WRN: variants seen among roughly 807,000 people sequenced by gnomAD.
WRN encodes the protein bifunctional 3'-5' exonuclease/ATP-dependent helicase WRN.
In WRN, 149 loss-of-function variants were observed where a neutral mutation model predicts 180.7. The observed-to-expected ratio is 0.82, with a 90% CI of 0.72 to 0.94. WRN has a LOEUF of 0.94. Ranked by LOEUF, WRN falls within the 40% of genes least tolerant of loss-of-function variation. WRN has a pLI of 0.00. For missense variants in WRN, 1,661 were observed against 1,700.1 expected (o/e 0.98, Z 0.40); for synonymous variants, 548 against 568.9 (o/e 0.96, Z 0.52).
intron 18 of WRN, among the ~76,000 whole-genome samples, chr8:31,109,724 C>T (rs1386151351): frequency 6.6e-6 from 1 of 152,114 alleles, no homozygotes; most frequent in Admixed American, 6.5e-5. Flanking sequence ...GAGATTGGCA[C>T]TGTTATTGTA....
At chr8:31,142,530 T>C in intron 26 of WRN, 96 bp from the exon 27 acceptor site, 1 of 953,112 alleles carries the variant, frequency 1.0e-6, no homozygotes, top group Non-Finnish European at 1.5e-6. Context: ...AAAAGGGTAA[T>C]ATCTTATTCA....
At position 31,087,799 on chromosome 8, in the gene WRN, C is replaced by T. The variant is rs1209314077; in HGVS notation, c.1455C>T (p.Gly485=). Residue 485 remains glycine (G), a synonymous_variant, in exon 12 of 35, where the codon GGC becomes GGT. Transcript: ENST00000298139. ...AGTCTTTAGAAAACCTCAATAGTGG[C>T]ACGGTAGAACCAACTCATTCTAAAT... is the stretch of plus-strand genomic sequence containing the variant. The part of the protein sequence containing the change: ...MLKSLENLNS[G]TVEPTHSKCL... 4 of 1,613,516 alleles carry T rather than the reference C, an allele frequency of 2.5e-6. No individual in the cohort carries two copies. The Admixed American group carries it at 6.7e-5, about 27-fold the overall frequency.
At position 31,147,427 on chromosome 8, in the gene WRN, C is replaced by A. The variant is rs768430448; in HGVS notation, c.3523C>A (p.Pro1175Thr). Residue 1175 changes from proline (P) to threonine (T), a missense_variant, in exon 30 of 35, where the codon CCA becomes ACA. Around this residue, in one of 3 missense-constraint regions of WRN, gnomAD observed 1,141 missense variants for 1,149.4 expected, o/e 0.99. Coordinates refer to ENST00000298139, the MANE Select transcript of WRN (RefSeq NM_000553.6). ...QKHANKMDVPPAILATNKILV... is the reference protein window; with the variant it reads ...QKHANKMDVPTAILATNKILV... ...ACATGCCAATAAAATGGATGTTCCC[C>A]CAGCTATTCTGGCAACAAACAAGAT... The A allele has an allele frequency of 1.2e-6, 2 of 1,614,020 alleles. No individual in the cohort carries two copies. The highest frequency in any genetic ancestry group is 1.7e-6 in the Non-Finnish European group (2 of 1,179,966).
intron 3 of WRN, among the ~76,000 whole-genome samples, chr8:31,061,582 A>G (rs1812486106): frequency 7.0e-6 from 1 of 142,190 alleles, no homozygotes; most frequent in East Asian, 2.1e-4. Flanking sequence ...GTTAGATTTT[A>G]TTGTTTTCCT....
chr8:31,100,813 T>C, intron 17 of WRN, 36 bp from the exon 18 acceptor site: 1 of 1,547,522 alleles, frequency 6.5e-7, no homozygotes, highest in Non-Finnish European at 8.8e-7. Context: ...CTTTCGAGCT[T>C]TATCTTTTCC....
intron 23 of WRN, among the ~76,000 whole-genome samples, chr8:31,126,440 G>A (rs924252832): frequency 1.3e-5 from 2 of 152,066 alleles, no homozygotes; most frequent in African/African-American, 4.8e-5. Context: ...AAAATGTTTT[G>A]AACTGAATGA....
chr8:31,152,949 A>C (rs1803196713), intron 31 of WRN, among the ~76,000 whole-genome samples: 1 of 152,046 alleles, frequency 6.6e-6, no homozygotes, highest in Non-Finnish European at 1.5e-5. Context: ...ATGCTTAGGC[A>C]GGAGGATTGC....
intron 30 of WRN, 114 bp from the exon 31 acceptor site, chr8:31,150,227 T>C: frequency 2.4e-6 from 2 of 846,730 alleles, no homozygotes; most frequent in South Asian, 2.8e-5. Flanking sequence ...GGAAAAACTA[T>C]ACATTTATTG....
chr8:31,050,958 G>A (rs899728369), intron 1 of WRN, among the ~76,000 whole-genome samples: 28 of 151,928 alleles, frequency 1.8e-4, no homozygotes, highest in African/African-American at 6.8e-4. Flanking sequence ...AATAGTAAGT[G>A]GAAATTTTTC....
In WRN at chr8:31,139,463, C is replaced by A. The variant is rs546061141; in HGVS notation, c.2968-1967C>A. Among the ~76,000 whole-genome samples, 5 of 152,168 alleles carry A rather than the reference C, an allele frequency of 3.3e-5. No individual in the cohort carries two copies. The East Asian group carries it at 9.6e-4, about 29-fold the overall frequency. On this transcript the variant is annotated intron_variant, in intron 24 of 34. Coordinates refer to ENST00000298139, the MANE Select transcript of WRN (RefSeq NM_000553.6). ...GCTTATAATATTGTTGACAAGGTTC[C>A]ACTGCAAAATAGTTCACCAAGGGAG...
intron 1 of WRN, among the ~76,000 whole-genome samples, chr8:31,053,302 A>G (rs555025701): frequency 7.2e-5 from 11 of 152,362 alleles, no homozygotes; most frequent in Non-Finnish European, 1.3e-4. Context: ...ATTAAGTTCA[A>G]TCTAAAACTT....
chr8:31,091,136 C>T (rs954766624), intron 15 of WRN, among the ~76,000 whole-genome samples, 194 bp downstream of exon 15: 1 of 152,094 alleles, frequency 6.6e-6, no homozygotes, highest in African/African-American at 2.4e-5. Flanking sequence ...TAATTCAAAG[C>T]TACCAGGTGG....
rs1812367474 is a variant in WRN, at chr8:31,058,609, C to T, written c.96+66C>T. ...ATTTATATTTGACTGTGCAAAGAGT[C>T]AGTTGTTACTTGTAAACTTCAAGTC... On this transcript the variant is annotated intron_variant, in intron 2 of 34. Transcript: ENST00000298139. 17 of 1,506,704 alleles carry T rather than the reference C, an allele frequency of 1.1e-5. No homozygotes were observed. In the Admixed American group the frequency reaches 2.2e-4, roughly 19 times the overall value. The allele number at this position is 1,506,704 out of a possible 1,614,324, so 93.3% of individuals were successfully genotyped here.
chr8:31,058,358 G>T lies in WRN; in HGVS notation c.-76-14G>T. The T allele has an allele frequency of 2.8e-6, 3 of 1,078,610 alleles. No individual in the cohort carries two copies. In the South Asian group the frequency reaches 4.0e-5, roughly 14 times the overall value. The allele number at this position is 1,078,610 out of a possible 1,614,324, so 66.8% of individuals were successfully genotyped here. A position where few individuals can be genotyped will look rare whatever the true frequency, so the allele number is the denominator to read the frequency against. The stretch of plus-strand genomic sequence containing the variant: ...TGTTTGGTTTTCATTCATATTGACA[G>T]TACTACCTCTCAGTTTTCTTTCAGA... On this transcript the variant is annotated splice_polypyrimidine_tract_variant and intron_variant, in intron 1 of 34. Transcript: ENST00000298139.
At chr8:31,036,948 C>G (rs1811471990) in intron 1 of WRN, among the ~76,000 whole-genome samples, 1 of 152,178 alleles carries the variant, frequency 6.6e-6, no homozygotes, top group Non-Finnish European at 1.5e-5. Flanking sequence ...AGTCCCCAAC[C>G]TTTTTGGTAC....
chr8:31,074,080 C>G (rs939585233), intron 7 of WRN, among the ~76,000 whole-genome samples: 8 of 150,448 alleles, frequency 5.3e-5, no homozygotes, highest in Non-Finnish European at 1.0e-4. Flanking sequence ...CCATGCCCGG[C>G]TAATTTTTTT....
At chr8:31,101,271 C>T (rs897662509) in intron 18 of WRN, among the ~76,000 whole-genome samples, 3 of 152,006 alleles carry the variant, frequency 2.0e-5, no homozygotes, top group African/African-American at 7.3e-5. Context: ...TAAAGAGTTA[C>T]ATTTTTCACT....
intron 28 of WRN, 78 bp from the exon 29 acceptor site, chr8:31,146,975 C>T: frequency 8.2e-7 from 1 of 1,224,746 alleles, no homozygotes; most frequent in East Asian, 2.6e-5. Context: ...GAAAGACATT[C>T]TCATTTAGGG....
At chr8:31,036,497 C>T (rs1179094516) in intron 1 of WRN, among the ~76,000 whole-genome samples, 1 of 152,304 alleles carries the variant, frequency 6.6e-6, no homozygotes, top group East Asian at 1.9e-4. Context: ...TCCCTTTTCT[C>T]CACATCCTCG....
Sources: gnomAD v4.1 joint callset for allele counts (sites outside exome capture counted in the v4.1 genomes callset) on GRCh38, gnomAD v4.1.1 for gene constraint, gnomAD v4.1.1 regional missense constraint, MANE v1.5 for transcripts, NCBI Gene and HGNC (gene_info 2026-07-23, HGNC 2026-07-21) for gene names.